HPSE2: variants seen among roughly 807,000 people sequenced by gnomAD.
HPSE2 encodes heparanase 2 (inactive), also known as inactive heparanase-2.
HPSE2 carries 38 observed loss-of-function variants against 60.5 expected under a neutral mutation model. The ratio of observed to expected loss-of-function variants is 0.63; its 90% CI spans 0.48 to 0.82. The LOEUF is 0.82. HPSE2 is among the 40% of genes least tolerant of loss of function. The pLI is 0.00. For synonymous variants in HPSE2, 295 were observed against 293.2 expected (o/e 1.01, Z -0.06); for missense variants, 713 against 740.4 (o/e 0.96, Z 0.43).
At chr10:99,076,549 G>A (rs1842956891) in intron 3 of HPSE2, among the ~76,000 whole-genome samples, 1 of 152,070 alleles carries the variant, frequency 6.6e-6, no homozygotes, top group Non-Finnish European at 1.5e-5. Flanking sequence ...CACCACACCT[G>A]GCTAACTTTT....
intron 3 of HPSE2, among the ~76,000 whole-genome samples, chr10:99,028,373 T>C (rs1006230865): frequency 2.6e-5 from 4 of 151,858 alleles, no homozygotes; most frequent in Non-Finnish European, 5.9e-5. Context: ...AAAAAGAAAT[T>C]TAAAAAGTAA....
At chr10:98,778,283 A>AGAGAGAGAGAGAGAGAGG (rs1950389476) in intron 3 of HPSE2, among the ~76,000 whole-genome samples, 1 of 151,096 alleles carries the variant, frequency 6.6e-6, no homozygotes, top group Non-Finnish European at 1.5e-5. Context: ...AGAGAGAGAG[A>AGAGAGAGAGAGAGAGAGG]GAGAGAGAGA....
chr10:98,540,766 C>T (rs1218718800), intron 9 of HPSE2, among the ~76,000 whole-genome samples: 1 of 152,082 alleles, frequency 6.6e-6, no homozygotes, highest in East Asian at 1.9e-4. Context: ...ATCAATAGCA[C>T]ATTAAGACTT....
chr10:98,854,592 G>A (rs1017756196), intron 3 of HPSE2, among the ~76,000 whole-genome samples: 3 of 152,114 alleles, frequency 2.0e-5, no homozygotes, highest in African/African-American at 4.8e-5. Flanking sequence ...AACAGCTAGG[G>A]GGACACGGGG....
intron 3 of HPSE2, among the ~76,000 whole-genome samples, chr10:98,771,057 C>T (rs916214048): frequency 1.4e-4 from 21 of 152,180 alleles, no homozygotes; most frequent in East Asian, 9.7e-4. Flanking sequence ...TGCAGGCTAC[C>T]GCAAAATTAT....
At chr10:99,125,894 T>G (rs1370169456) in intron 3 of HPSE2, among the ~76,000 whole-genome samples, 1 of 152,038 alleles carries the variant, frequency 6.6e-6, no homozygotes, top group Non-Finnish European at 1.5e-5. Context: ...CAAGTAGAAT[T>G]AGGGAGGGGC....
chr10:98,520,241 G>A (rs1999789), intron 9 of HPSE2, among the ~76,000 whole-genome samples: 4 of 152,156 alleles, frequency 2.6e-5, no homozygotes, highest in Admixed American at 2.0e-4. Context: ...TCTCTGAACA[G>A]TGGGGACATG....
chr10:99,059,084 CCTTT>C (rs954106375), intron 3 of HPSE2, among the ~76,000 whole-genome samples: 53 of 152,248 alleles, frequency 3.5e-4, no homozygotes, highest in African/African-American at 1.2e-3. Flanking sequence ...TATTATCCTT[CCTTT>C]GATTTTTTTC....
intron 4 of HPSE2, among the ~76,000 whole-genome samples, chr10:98,738,868 TTGG>T (rs1407063561): frequency 2.0e-5 from 3 of 152,286 alleles, no homozygotes; most frequent in African/African-American, 4.8e-5. Context: ...TTTTACACTG[TTGG>T]TGGGAGTGTA....
chr10:99,141,392 A>G (rs1845861743), intron 3 of HPSE2, among the ~76,000 whole-genome samples: 1 of 152,204 alleles, frequency 6.6e-6, no homozygotes, highest in Non-Finnish European at 1.5e-5. Context: ...AGTTTACTTT[A>G]AAAACCCTCT....
intron 3 of HPSE2, among the ~76,000 whole-genome samples, chr10:98,773,226 T>G (rs1476605742): frequency 6.6e-6 from 1 of 152,134 alleles, no homozygotes; most frequent in Non-Finnish European, 1.5e-5. Context: ...ATCCTTATAT[T>G]CTCCTATAAT....
chr10:98,469,530 G>A (rs989874149), intron 11 of HPSE2, among the ~76,000 whole-genome samples: 1 of 152,102 alleles, frequency 6.6e-6, no homozygotes, highest in Non-Finnish European at 1.5e-5. Flanking sequence ...CTTACTCCTT[G>A]TCTTCTAAGA....
At chr10:98,826,808 C>T (rs938968828) in intron 3 of HPSE2, among the ~76,000 whole-genome samples, 1 of 152,092 alleles carries the variant, frequency 6.6e-6, no homozygotes, top group African/African-American at 2.4e-5. Flanking sequence ...TGGATGATAC[C>T]ACATAGAAGA....
At chr10:99,231,389 C>T (rs1299299465) in intron 2 of HPSE2, among the ~76,000 whole-genome samples, 3 of 152,174 alleles carry the variant, frequency 2.0e-5, no homozygotes, top group Non-Finnish European at 4.4e-5. Flanking sequence ...AGAATGGACA[C>T]TAATGCCTCT....
rs141596092 is a variant in HPSE2, at chr10:98,725,172, C to T, written c.785-3344G>A. Among the ~76,000 whole-genome samples the T allele has an allele frequency of 6.7e-3, 1,027 of 152,270 alleles. 23 individuals are homozygous for T. The highest frequency in any genetic ancestry group is 0.044 in the Admixed American group (678 of 15,290). ...TCATATGGAACCAAAAAAGAGCCCA[C>T]ATTGCCAAGTCAATCCTAAGCCAAA... is the stretch of plus-strand genomic sequence containing the variant. On this transcript the variant is annotated intron_variant, in intron 4 of 11. Transcript: ENST00000370552.
At chr10:99,302,843 A>G in the HPSE2 span, among the ~76,000 whole-genome samples, 1 of 151,160 alleles carries the variant, frequency 6.6e-6, no homozygotes, top group Non-Finnish European at 1.5e-5. Flanking sequence ...CTCTACTCAA[A>G]TCTGTACAAT....
intron 6 of HPSE2, among the ~76,000 whole-genome samples, chr10:98,663,193 C>T (rs1947270152): frequency 6.6e-6 from 1 of 152,106 alleles, no homozygotes; most frequent in Admixed American, 6.5e-5. Flanking sequence ...TTCCCTCATT[C>T]AACAATCACT....
At chr10:98,978,268 T>A (rs950545817) in intron 3 of HPSE2, among the ~76,000 whole-genome samples, 3 of 152,148 alleles carry the variant, frequency 2.0e-5, no homozygotes, top group Non-Finnish European at 2.9e-5. Flanking sequence ...TTCGAAGGAA[T>A]CATTTTCTAT....
rs1017098616 is a variant in HPSE2 at position 99,135,454 on chromosome 10, G to A, written c.610+8784C>T. 5.9e-5 allele frequency among the ~76,000 whole-genome samples: 9 copies of A among 152,196 alleles called. No individual in the cohort carries two copies. In the East Asian group the frequency reaches 1.7e-3, roughly 29 times the overall value. On this transcript the variant is annotated intron_variant, in intron 3 of 11. Coordinates refer to ENST00000370552, the MANE Select transcript of HPSE2 (RefSeq NM_021828.5). ...TTATTCTAAAATTGACCACATAATT[G>A]GAAGTAAAACACTCCTCAGCAGATG...
Sources: allele counts gnomAD v4.1 joint callset (sites outside exome capture counted in the v4.1 genomes callset), GRCh38; gene constraint gnomAD v4.1.1; transcripts MANE v1.5; gene names NCBI Gene and HGNC (gene_info 2026-07-23, HGNC 2026-07-21).